Variants in RASA3 observed in about 807,000 individuals in gnomAD.
RASA3 encodes the protein RAS p21 protein activator 3, also known as ras GTPase-activating protein 3.
In RASA3, 73 loss-of-function variants were observed where a neutral mutation model predicts 110.0. The ratio of observed to expected loss-of-function variants is 0.66; its 90% confidence interval spans 0.55 to 0.81. The LOEUF (loss-of-function observed/expected upper bound fraction) is 0.81. RASA3 is among the 30% of genes least tolerant of loss of function. RASA3 has a pLI of 0.00. For synonymous variants in RASA3, 500 were observed against 451.4 expected, an observed-to-expected ratio of 1.11 and a Z score of -1.37; for missense variants, 976 against 1,113.2, an observed-to-expected ratio of 0.88 and a Z score of 1.75.
intron 4 of RASA3, among the ~76,000 whole-genome samples, chr13:114,030,232 CGTGTGTCCGTCGGG>C (rs1566500997): frequency 6.6e-6 from 1 of 152,244 alleles, no homozygotes. Flanking sequence ...GCAGGCTGCT[CGTGTGTCCGTCGGG>C]ACAAACCAGA....
chr13:114,005,156 AT>A (rs1373156956), intron 18 of RASA3, among the ~76,000 whole-genome samples: 1 of 152,190 alleles, frequency 6.6e-6, no homozygotes, highest in Non-Finnish European at 1.5e-5. Context: ...GGAATGAGAA[AT>A]TACTCAGTGG....
At chr13:114,074,626 C>T (rs578223093) in intron 1 of RASA3, among the ~76,000 whole-genome samples, 16 of 152,352 alleles carry the variant, frequency 1.1e-4, no homozygotes, top group African/African-American at 3.6e-4. Context: ...CTGTAAACTC[C>T]AGCTGTTCGA....
chr13:114,002,155 C>T (rs1158382387), intron 18 of RASA3, among the ~76,000 whole-genome samples: 3 of 152,148 alleles, frequency 2.0e-5, no homozygotes, highest in Non-Finnish European at 2.9e-5. Flanking sequence ...AAGCTGAGGA[C>T]GAGAAGCCAA....
intron 1 of RASA3, among the ~76,000 whole-genome samples, chr13:114,121,969 CAG>C (rs2080384189): frequency 6.6e-6 from 1 of 152,236 alleles, no homozygotes; most frequent in African/African-American, 2.4e-5. Context: ...GAGGGGCACA[CAG>C]GGCCCAGAGG....
chr13:114,065,456 C>T lies in RASA3; in HGVS notation c.173+8264G>A, dbSNP rs1326699296. Reference sequence around the variant, plus strand: ...GGGTCTGCGAAGCAGCCCTGGGGCTCCCAAGCCAGCCTCTGGGCTGAGCTC... The same window carrying T: ...GGGTCTGCGAAGCAGCCCTGGGGCTTCCAAGCCAGCCTCTGGGCTGAGCTC... On this transcript the variant is annotated intron_variant, in intron 2 of 23. Coordinates refer to ENST00000334062, the MANE Select transcript of RASA3 (RefSeq NM_007368.4). This position sits in a 1 kb window ranked among gnomAD's most constrained non-coding sequence, Gnocchi z 4.1. Among the ~76,000 whole-genome samples, 1 of 152,210 alleles carries T rather than the reference C, an allele frequency of 6.6e-6. No homozygotes were observed. Among genetic ancestry groups the T allele is most frequent in the African/African-American group, 2.4e-5 (1 of 41,446 alleles).
At chr13:113,996,463 T>A in intron 21 of RASA3, 68 bp downstream of exon 21, 1 of 1,471,076 alleles carries the variant, frequency 6.8e-7, no homozygotes. Flanking sequence ...TGCTGGTCCC[T>A]CCCTACTCAG....
rs2079431388 is a variant in RASA3 at position 114,065,504 on chromosome 13, A to T, written c.173+8216T>A. Among the ~76,000 whole-genome samples the T allele has an allele frequency of 6.6e-6, 1 of 151,918 alleles. No homozygotes were observed. The highest frequency in any genetic ancestry group is 2.4e-5 in the African/African-American group (1 of 41,378). ...CTCTGCGGTCCTGAGTCACTGCCTGACTCATCCTCAGAGGCGCCCCACAGA... is the reference window on the plus strand; with the variant it reads ...CTCTGCGGTCCTGAGTCACTGCCTGTCTCATCCTCAGAGGCGCCCCACAGA... On this transcript the variant is annotated intron_variant, in intron 2 of 23. Transcript: ENST00000334062. This position sits in a 1 kb window ranked among gnomAD's most constrained non-coding sequence, Gnocchi z 4.1.
At position 114,048,468 on chromosome 13, in the gene RASA3, G is replaced by A. The variant is rs1039529817; in HGVS notation, c.277+3584C>T. On this transcript the variant is annotated intron_variant, in intron 3 of 23. Coordinates refer to ENST00000334062, the MANE Select transcript of RASA3 (RefSeq NM_007368.4). This position sits in a 1 kb window ranked among gnomAD's most constrained non-coding sequence, Gnocchi z 4.3. ...GCCCAGAGGAAGGTGGAGGCCTAGC[G>A]GGAAAAGGAGGGAGGCGCCAGGATC... Among the ~76,000 whole-genome samples the A allele has an allele frequency of 6.6e-6, 1 of 152,136 alleles. No homozygotes were observed. Among genetic ancestry groups the A allele is most frequent in the East Asian group, 1.9e-4 (1 of 5,188 alleles).
rs1302103861 is a variant in RASA3, at chr13:114,013,944, ATCTC to A, written c.1406-700_1406-697del. 1.0e-3 allele frequency among the ~76,000 whole-genome samples: 29 copies of A among 28,994 alleles called. 2 individuals carry two copies. In the South Asian group the frequency reaches 0.011, roughly 11 times the overall value. The allele number at this position is 28,994 out of a possible 152,430, so 19.0% of individuals were successfully genotyped here. A position where few individuals can be genotyped will look rare whatever the true frequency, so the allele number is the denominator to read the frequency against. On this transcript the variant is annotated intron_variant, in intron 14 of 23. Transcript: ENST00000334062. ...TCTCCGTCTCTCTCTCCCTGTCTCT[ATCTC>A]TCTGTCTCTCTCTCTCTCTCTCCGT...
At chr13:114,068,923 C>A (rs991010171) in intron 2 of RASA3, among the ~76,000 whole-genome samples, 1 of 152,216 alleles carries the variant, frequency 6.6e-6, no homozygotes, top group Non-Finnish European at 1.5e-5. Context: ...GTGACAGACA[C>A]TGCCCTTCAA....
At chr13:114,094,636 T>C (rs2079922357) in intron 1 of RASA3, among the ~76,000 whole-genome samples, 1 of 152,238 alleles carries the variant, frequency 6.6e-6, no homozygotes, top group South Asian at 2.1e-4. Context: ...ACCTAAGTAT[T>C]GATAGAGGCA....
At chr13:114,104,659 C>T (rs898944437) in intron 1 of RASA3, among the ~76,000 whole-genome samples, 4 of 152,190 alleles carry the variant, frequency 2.6e-5, no homozygotes, top group Non-Finnish European at 5.9e-5. Flanking sequence ...CAAGATTTGG[C>T]GTCTCAATGG....
chr13:114,099,247 G>C (rs1000999417), intron 1 of RASA3, among the ~76,000 whole-genome samples: 3 of 152,000 alleles, frequency 2.0e-5, no homozygotes, highest in Non-Finnish European at 4.4e-5. Flanking sequence ...GAAGGTCAGA[G>C]CCAGAAGCAC....
Position 114,100,178 on chromosome 13 carries a change from C to G in RASA3, c.56-26341G>C, listed in dbSNP as rs550163839. Among the ~76,000 whole-genome samples the G allele has an allele frequency of 1.0e-3, 152 of 151,572 alleles. 1 individual carries two copies. Among genetic ancestry groups the G allele is most frequent in the African/African-American group, 3.7e-3 (151 of 41,354 alleles). On this transcript the variant is annotated intron_variant, in intron 1 of 23. Transcript: ENST00000334062. ...ACGCCGAATGGTAAATGGAGGAGCT[C>G]GCAGGAGACGCAGCTCTGACTCTGC...
Position 114,034,880 on chromosome 13 carries a change from A to C in RASA3, c.373-4993T>G, listed in dbSNP as rs562736551. Among the ~76,000 whole-genome samples the C allele has an allele frequency of 2.8e-4, 42 of 152,284 alleles. No homozygotes were observed. In the South Asian group the frequency reaches 8.3e-3, roughly 30 times the overall value. On this transcript the variant is annotated intron_variant, in intron 4 of 23. Transcript: ENST00000334062. ...TGCCGGCCACACAGACTAGAGCAGA[A>C]GGGAGATCTGAACGCTGACCTGAGC... is the stretch of plus-strand genomic sequence containing the variant.
intron 21 of RASA3, among the ~76,000 whole-genome samples, chr13:113,995,849 AC>A (rs1269275626): frequency 4.2e-4 from 18 of 43,006 alleles, no homozygotes; most frequent in Non-Finnish European, 6.8e-4. Flanking sequence ...GGCCCGGCTG[AC>A]GGGGGGCCCG....
At chr13:114,117,326 C>G (rs1309856372) in intron 1 of RASA3, among the ~76,000 whole-genome samples, 12 of 31,018 alleles carry the variant, frequency 3.9e-4, no homozygotes, top group South Asian at 1.3e-3. Context: ...ACGTGTGTGA[C>G]AGATGCATGT....
Position 113,978,629 on chromosome 13 carries a change from G to C in RASA3, c.*718C>G, listed in dbSNP as rs1004383140. ...CAACTGTGGGCTCCGCAGACGCCTG[G>C]AGAAGCTGGAGCCCACACCTTTCCC... On this transcript the variant is annotated 3_prime_UTR_variant, in exon 24 of 24. Coordinates refer to ENST00000334062, the MANE Select transcript of RASA3 (RefSeq NM_007368.4). The C allele has an allele frequency of 6.6e-6, 1 of 152,202 alleles. No individual in the cohort carries two copies. Among genetic ancestry groups the C allele is most frequent in the Non-Finnish European group, 1.5e-5 (1 of 68,044 alleles). The allele number at this position is 152,202 out of a possible 1,614,324, so 9.4% of individuals were successfully genotyped here.
At chr13:114,117,909 A>G (rs867140371) in intron 1 of RASA3, among the ~76,000 whole-genome samples, 1 of 146,914 alleles carries the variant, frequency 6.8e-6, no homozygotes, top group Non-Finnish European at 1.5e-5. Context: ...TGAGGGGTGC[A>G]TGCACACACA....
Sources: allele counts gnomAD v4.1 joint callset (sites outside exome capture counted in the v4.1 genomes callset), GRCh38; gene constraint gnomAD v4.1.1; non-coding constraint Gnocchi (gnomAD v3.1); transcripts MANE v1.5; gene names NCBI Gene and HGNC (gene_info 2026-07-23, HGNC 2026-07-21).